MIGA1: variants seen among roughly 807,000 people sequenced by gnomAD.
MIGA1 encodes family with sequence similarity 73, member A.
A neutral mutation model predicts 82.0 loss-of-function variants in MIGA1; 58 were observed. That is an observed-to-expected ratio of 0.71 (90% confidence interval 0.57 to 0.88). The LOEUF (loss-of-function observed/expected upper bound fraction) is 0.88. Ranked by LOEUF, MIGA1 falls within the 40% of genes least tolerant of loss-of-function variation. MIGA1 has a pLI of 0.00. For missense variants in MIGA1, 751 were observed against 749.1 expected (o/e 1.00, Z -0.03); for synonymous variants, 249 against 253.6 (o/e 0.98, Z 0.17).
rs936722329 is a variant in MIGA1, at chr1:77,815,085, G to C, written c.772-23G>C. ...TTAACATTAGAATTTAATTTGTTCT[G>C]TGTACTTTTTCTCTCCTTGTAGGAT... is the stretch of plus-strand genomic sequence containing the variant. On this transcript the variant is annotated intron_variant, in intron 6 of 15. Transcript: ENST00000370791. The C allele has an allele frequency of 1.3e-5, 19 of 1,449,808 alleles. No homozygotes were observed. The Middle Eastern group carries it at 7.3e-4, about 55-fold the overall frequency. The allele number at this position is 1,449,808 out of a possible 1,614,324, so 89.8% of individuals were successfully genotyped here.
At chr1:77,866,266 T>C in intron 13 of MIGA1, 72 bp from the exon 14 acceptor site, 1 of 1,444,418 alleles carries the variant, frequency 6.9e-7, no homozygotes, top group Admixed American at 1.7e-5. Context: ...CCCATAAACT[T>C]TGAATTTCTA....
chr1:77,846,898 G>A (rs1256589811), intron 8 of MIGA1, among the ~76,000 whole-genome samples: 1 of 152,090 alleles, frequency 6.6e-6, no homozygotes, highest in African/African-American at 2.4e-5. Context: ...AATGAACTGA[G>A]ATTGCGCCAC....
chr1:77,861,407 C>A (rs1033036541), intron 12 of MIGA1, 85 bp downstream of exon 12: 12 of 904,868 alleles, frequency 1.3e-5, no homozygotes, highest in Admixed American at 1.1e-4. Flanking sequence ...TTTCATTGTC[C>A]TTGTTAAATA....
At chr1:77,829,324 G>C (rs1436882034) in intron 7 of MIGA1, among the ~76,000 whole-genome samples, 1 of 152,110 alleles carries the variant, frequency 6.6e-6, no homozygotes, top group African/African-American at 2.4e-5. Flanking sequence ...GCGTGTATAT[G>C]CCTGTTGTCT....
chr1:77,836,879 C>A (rs997003912), intron 7 of MIGA1, among the ~76,000 whole-genome samples: 1 of 151,902 alleles, frequency 6.6e-6, no homozygotes, highest in African/African-American at 2.4e-5. Context: ...GCTTTGGAAA[C>A]CAATAGAGGA....
chr1:77,873,069 G>C lies in MIGA1; in HGVS notation c.1629G>C (p.Trp543Cys), dbSNP rs201116130. 6.2e-7 allele frequency: 1 copy of C among 1,613,768 alleles called. No individual in the cohort carries two copies. Residue 543 changes from tryptophan (W) to cysteine (C), a missense_variant, in exon 15 of 16, where the codon TGG becomes TGC. By Grantham distance (215) the Trp-to-Cys change is radical (BLOSUM62 -2). Transcript: ENST00000370791. ...AACACATCAGTCCTGTCCTAGCCTG[G>C]GGCTTTTTGGGTCCTAGAAATTCTC...
chr1:77,874,769 C>A, intron 15 of MIGA1, 77 bp from the exon 16 acceptor site: 2 of 994,450 alleles, frequency 2.0e-6, no homozygotes, highest in South Asian at 1.5e-5. Context: ...TGATTCAGTG[C>A]TCATTATAAT....
At chr1:77,812,596 C>A (rs1022359350) in intron 5 of MIGA1, among the ~76,000 whole-genome samples, 2 of 152,148 alleles carry the variant, frequency 1.3e-5, no homozygotes, top group African/African-American at 4.8e-5. Context: ...ATGACTTGCC[C>A]AGATTCTTAA....
At chr1:77,843,443 T>C in intron 8 of MIGA1, 36 bp downstream of exon 8, 1 of 1,514,964 alleles carries the variant, frequency 6.6e-7, no homozygotes, top group Non-Finnish European at 9.2e-7. Flanking sequence ...GATTTCTGTT[T>C]CTTTTTTGGT....
intron 7 of MIGA1, among the ~76,000 whole-genome samples, chr1:77,827,359 A>T (rs1684070486): frequency 6.6e-6 from 1 of 152,116 alleles, no homozygotes; most frequent in South Asian, 2.1e-4. Context: ...CTGTAGTCTC[A>T]GCTACTTGGG....
At chr1:77,831,750 GT>G (rs1684254515) in intron 7 of MIGA1, among the ~76,000 whole-genome samples, 1 of 152,104 alleles carries the variant, frequency 6.6e-6, no homozygotes, top group Non-Finnish European at 1.5e-5. Context: ...ACGCACTTTG[GT>G]TAGACTATTT....
intron 2 of MIGA1, 24 bp from the exon 3 acceptor site, chr1:77,801,307 C>T (rs1165865570): frequency 1.3e-6 from 2 of 1,511,764 alleles, no homozygotes; most frequent in Non-Finnish European, 1.8e-6. Flanking sequence ...AGATTTTTTT[C>T]AATTTTAACT....
chr1:77,780,048 C>A, intron 1 of MIGA1: 1 of 1,125,638 alleles, frequency 8.9e-7, no homozygotes, highest in South Asian at 2.7e-5. Flanking sequence ...GGGATGGGCT[C>A]GCCACTGCTC....
chr1:77,852,239 A>G (rs1046854680), intron 8 of MIGA1, among the ~76,000 whole-genome samples: 1 of 152,172 alleles, frequency 6.6e-6, no homozygotes, highest in African/African-American at 2.4e-5. Flanking sequence ...TACTAATAGT[A>G]CATGTATGTG....
intron 7 of MIGA1, among the ~76,000 whole-genome samples, chr1:77,836,384 G>A (rs1399792290): frequency 6.6e-6 from 1 of 152,056 alleles, no homozygotes; most frequent in Non-Finnish European, 1.5e-5. Context: ...CAAAAAATCA[G>A]ATAAATTTTG....
At chr1:77,804,450 T>TG (rs1683008504) in intron 4 of MIGA1, among the ~76,000 whole-genome samples, 1 of 152,144 alleles carries the variant, frequency 6.6e-6, no homozygotes, top group African/African-American at 2.4e-5. Context: ...GGTGCTGTGG[T>TG]GGTGCCTATA....
intron 2 of MIGA1, among the ~76,000 whole-genome samples, chr1:77,796,263 C>T (rs536752360): frequency 1.3e-5 from 2 of 151,516 alleles, no homozygotes; most frequent in East Asian, 2.0e-4. Flanking sequence ...GGACTACAGG[C>T]GACCGCCACC....
chr1:77,863,919 T>A lies in MIGA1; in HGVS notation c.1400T>A (p.Val467Asp), dbSNP rs758431103. The A allele has an allele frequency of 3.2e-6, 5 of 1,572,526 alleles. No homozygotes were observed. Among genetic ancestry groups the A allele is most frequent in the East Asian group, 2.3e-5 (1 of 43,806 alleles). ...GTGAAAAATCTAAATTTTTATGATG[T>A]TGTTCTGGATTTTATATTAATGGAC... Residue 467 changes from valine to aspartate, a missense_variant, in exon 13 of 16, where the codon GTT becomes GAT. Val to Asp is a radical substitution (Grantham distance 152). Coordinates refer to ENST00000370791, the MANE Select transcript of MIGA1 (RefSeq NM_198549.4).
chr1:77,831,293 G>A (rs956303751), intron 7 of MIGA1, among the ~76,000 whole-genome samples: 2 of 152,154 alleles, frequency 1.3e-5, no homozygotes, highest in African/African-American at 4.8e-5. Context: ...ATTTCTGCAT[G>A]ATAGTGTTAC....
Sources: allele counts gnomAD v4.1 joint callset (sites outside exome capture counted in the v4.1 genomes callset), GRCh38; gene constraint gnomAD v4.1.1; transcripts MANE v1.5; gene names NCBI Gene and HGNC (gene_info 2026-07-23, HGNC 2026-07-21).